MED13L: variants seen among roughly 807,000 people sequenced by gnomAD.
The protein encoded by MED13L is mediator complex subunit 13L.
Under a neutral mutation model 220.9 loss-of-function variants are expected in MED13L, and 7 were observed. The observed-to-expected ratio is 0.03, with a 90% confidence interval of 0.02 to 0.06. The LOEUF (loss-of-function observed/expected upper bound fraction) is 0.06, where lower values mean the gene tolerates loss of function less well. Among genes scored for constraint, MED13L ranks in the 10% least tolerant of loss-of-function variants. The pLI is 1.00. For missense variants in MED13L, 1,965 were observed against 2,760.5 expected, an observed-to-expected ratio of 0.71 and a Z score of 6.46; for synonymous variants, 1,011 against 1,015.2, an observed-to-expected ratio of 1.00 and a Z score of 0.08.
At chr12:116,041,103 C>T (rs973043964) in intron 4 of MED13L, among the ~76,000 whole-genome samples, 2 of 152,154 alleles carry the variant, frequency 1.3e-5, no homozygotes, top group Non-Finnish European at 2.9e-5. Flanking sequence ...TATGGTTTAG[C>T]TCTGTGTCCC....
At chr12:116,048,291 A>G (rs1363238813) in intron 4 of MED13L, among the ~76,000 whole-genome samples, 1 of 152,164 alleles carries the variant, frequency 6.6e-6, no homozygotes, top group Non-Finnish European at 1.5e-5. Context: ...GACACTGTAT[A>G]TTACAGTGGG....
At chr12:115,967,791 A>G (rs1876283325) in intron 28 of MED13L, among the ~76,000 whole-genome samples, 1 of 152,184 alleles carries the variant, frequency 6.6e-6, no homozygotes. Flanking sequence ...ACCCAACTTT[A>G]AAAAAATAGA....
intron 4 of MED13L, among the ~76,000 whole-genome samples, chr12:116,063,455 C>A (rs1869670333): frequency 6.6e-6 from 1 of 152,208 alleles, no homozygotes. Context: ...GAGATCCAGG[C>A]TACAGTGAGC....
chr12:116,257,696 T>C (rs1405381660), intron 1 of MED13L, among the ~76,000 whole-genome samples: 1 of 152,214 alleles, frequency 6.6e-6, no homozygotes, highest in African/African-American at 2.4e-5. Flanking sequence ...TACTAAATCA[T>C]TTTGACATTA....
At chr12:116,070,261 A>T (rs1663018719) in intron 4 of MED13L, among the ~76,000 whole-genome samples, 3 of 152,148 alleles carry the variant, frequency 2.0e-5, no homozygotes, top group South Asian at 4.1e-4. Context: ...TAGCTATCTG[A>T]CCTTTTAGCA....
intron 3 of MED13L, among the ~76,000 whole-genome samples, chr12:116,099,570 A>G (rs371447395): frequency 1.9e-4 from 29 of 152,364 alleles, no homozygotes; most frequent in East Asian, 1.5e-3. Flanking sequence ...CAGTGTACAG[A>G]AAGAAAAATC....
intron 16 of MED13L, among the ~76,000 whole-genome samples, chr12:115,993,699 G>C (rs1477946787): frequency 6.6e-6 from 1 of 152,144 alleles, no homozygotes; most frequent in Non-Finnish European, 1.5e-5. Context: ...TTATTACGCA[G>C]TTCAGATCAG....
intron 2 of MED13L, among the ~76,000 whole-genome samples, chr12:116,133,514 T>A (rs1453770457): frequency 6.6e-6 from 1 of 152,142 alleles, no homozygotes; most frequent in African/African-American, 2.4e-5. Context: ...TGGTAACTCA[T>A]GTGAGGCCCC....
intron 2 of MED13L, among the ~76,000 whole-genome samples, chr12:116,196,887 A>G (rs1046433611): frequency 1.3e-5 from 2 of 152,222 alleles, no homozygotes; most frequent in African/African-American, 4.8e-5. Flanking sequence ...AGCATTAGAC[A>G]GACATGTCTT....
chr12:115,961,143 G>T lies in MED13L; in HGVS notation c.*123C>A. 1 of 1,274,980 alleles carries T rather than the reference G, an allele frequency of 7.8e-7. No homozygotes were observed. 79.0% of individuals were successfully genotyped at this position (1,274,980 alleles called of 1,614,324 possible). A position where few individuals can be genotyped will look rare whatever the true frequency, so the allele number is the denominator to read the frequency against. On this transcript the variant is annotated 3_prime_UTR_variant, in exon 31 of 31. Coordinates refer to ENST00000281928, the MANE Select transcript of MED13L (RefSeq NM_015335.5). ...ATGTGCCTGCTGAGAAGGAATCACA[G>T]TGCAGGACTGTGGAGAGTGGTCTGA...
chr12:116,229,410 T>C (rs79861673), intron 2 of MED13L, among the ~76,000 whole-genome samples: 4 of 152,234 alleles, frequency 2.6e-5, no homozygotes, highest in Non-Finnish European at 5.9e-5. Flanking sequence ...ATAATAACTA[T>C]ACTTACCAAC....
intron 2 of MED13L, among the ~76,000 whole-genome samples, chr12:116,128,032 A>G (rs1875743898): frequency 6.6e-6 from 1 of 152,142 alleles, no homozygotes; most frequent in Non-Finnish European, 1.5e-5. Context: ...GTCTCCTCCA[A>G]GCGGCATTCC....
At chr12:116,264,836 C>G (rs1230082426) in intron 1 of MED13L, among the ~76,000 whole-genome samples, 1 of 152,148 alleles carries the variant, frequency 6.6e-6, no homozygotes, top group Admixed American at 6.5e-5. Context: ...CTGAATCAAA[C>G]TTAAAAGTAA....
chr12:116,008,254 G>A (rs1879175042), intron 10 of MED13L, 147 bp downstream of exon 10: 1 of 1,133,450 alleles, frequency 8.8e-7, no homozygotes, highest in African/African-American at 1.6e-5. Context: ...CAAAGCATTT[G>A]ACCATTAAAC....
intron 2 of MED13L, among the ~76,000 whole-genome samples, chr12:116,232,558 G>A (rs956716167): frequency 6.6e-6 from 1 of 152,078 alleles, no homozygotes; most frequent in Non-Finnish European, 1.5e-5. Flanking sequence ...GCAATACTGC[G>A]CTACATTAGA....
chr12:116,063,539 C>G (rs930698939), intron 4 of MED13L, among the ~76,000 whole-genome samples: 1 of 151,968 alleles, frequency 6.6e-6, no homozygotes, highest in African/African-American at 2.4e-5. Flanking sequence ...CAAACCAAAT[C>G]AAAAAGCATT....
At chr12:116,153,153 T>C (rs146082500) in intron 2 of MED13L, among the ~76,000 whole-genome samples, 262 of 152,340 alleles carry the variant, frequency 1.7e-3, no homozygotes, top group African/African-American at 6.0e-3. Context: ...CATGTAACTA[T>C]ACAATAAATG....
chr12:115,999,853 G>C (rs562560763), intron 14 of MED13L, among the ~76,000 whole-genome samples: 1 of 152,132 alleles, frequency 6.6e-6, no homozygotes, highest in East Asian at 1.9e-4. Context: ...AAGGTAAACA[G>C]AGAACACACA....
intron 1 of MED13L, among the ~76,000 whole-genome samples, chr12:116,263,178 A>T (rs1457952417): frequency 1.3e-5 from 2 of 152,122 alleles, no homozygotes; most frequent in Non-Finnish European, 2.9e-5. Flanking sequence ...TAGAATAACT[A>T]TTATGTAGCT....
Sources: allele counts gnomAD v4.1 joint callset (sites outside exome capture counted in the v4.1 genomes callset), GRCh38; gene constraint gnomAD v4.1.1; transcripts MANE v1.5; gene names NCBI Gene and HGNC (gene_info 2026-07-23, HGNC 2026-07-21).